The following ASIC2 variants were observed in gnomAD, a reference collection of about 807,000 sequenced individuals.
ASIC2 encodes acid-sensing ion channel 2.
A neutral mutation model predicts 57.3 loss-of-function variants in ASIC2; 25 were observed. The observed-to-expected ratio is 0.44, with a 90% CI of 0.32 to 0.61. The LOEUF is 0.61. ASIC2 is among the 20% of genes least tolerant of loss of function. ASIC2 has a pLI of 0.06. For missense variants in ASIC2, 641 were observed against 738.1 expected, an observed-to-expected ratio of 0.87 and a Z score of 1.52; for synonymous variants, 319 against 307.5, an observed-to-expected ratio of 1.04 and a Z score of -0.39.
chr17:33,090,855 A>C (rs1037080560), intron 2 of ASIC2, among the ~76,000 whole-genome samples: 2 of 152,240 alleles, frequency 1.3e-5, no homozygotes, highest in Admixed American at 1.3e-4. Context: ...AGGGAAGGGT[A>C]GGCAGGGCTT....
chr17:33,943,751 T>G (rs1380696004), intron 1 of ASIC2, among the ~76,000 whole-genome samples: 1 of 150,864 alleles, frequency 6.6e-6, no homozygotes, highest in Non-Finnish European at 1.5e-5. Context: ...TCATTGTGCA[T>G]CTGCTGTACA....
At chr17:34,010,080 C>T (rs1421548266) in intron 1 of ASIC2, among the ~76,000 whole-genome samples, 1 of 152,130 alleles carries the variant, frequency 6.6e-6, no homozygotes, top group Non-Finnish European at 1.5e-5. Flanking sequence ...AGTTTGAGCA[C>T]CAGAGTATCA....
chr17:33,122,159 C>A (rs113036662), intron 1 of ASIC2, among the ~76,000 whole-genome samples: 3,964 of 152,268 alleles, frequency 0.026, 94 homozygotes, highest in East Asian at 0.068. Context: ...TGCTCCCATT[C>A]CCATCTCTGT....
intron 1 of ASIC2, among the ~76,000 whole-genome samples, chr17:33,835,226 G>A (rs2141903750): frequency 6.6e-6 from 1 of 152,332 alleles, no homozygotes; most frequent in East Asian, 1.9e-4. Flanking sequence ...CTGTTGGTTT[G>A]CCTGAATTTG....
intron 1 of ASIC2, among the ~76,000 whole-genome samples, chr17:33,722,163 G>A (rs1223366908): frequency 1.3e-5 from 2 of 152,126 alleles, no homozygotes; most frequent in Non-Finnish European, 2.9e-5. Context: ...ATTTTCCCAT[G>A]CTGTTCTCAT....
intron 1 of ASIC2, among the ~76,000 whole-genome samples, chr17:33,755,506 G>A (rs1407451655): frequency 2.6e-5 from 4 of 152,098 alleles, no homozygotes; most frequent in African/African-American, 7.2e-5. Context: ...TAAGCTCATA[G>A]GCTTATGCTA....
chr17:33,750,801 C>T (rs551082509), intron 1 of ASIC2, among the ~76,000 whole-genome samples: 1 of 152,232 alleles, frequency 6.6e-6, no homozygotes, highest in South Asian at 2.1e-4. Flanking sequence ...TGTTTTCCTT[C>T]CTACTTACAC....
At chr17:34,020,587 T>C (rs1027187451) in intron 1 of ASIC2, among the ~76,000 whole-genome samples, 14 of 152,234 alleles carry the variant, frequency 9.2e-5, no homozygotes, top group African/African-American at 2.9e-4. Context: ...CTCAATGTAC[T>C]GTTGTCAGAG....
intron 1 of ASIC2, among the ~76,000 whole-genome samples, chr17:33,550,036 C>A (rs1915698759): frequency 6.6e-6 from 1 of 152,306 alleles, no homozygotes; most frequent in East Asian, 1.9e-4. Flanking sequence ...CATCTCAGAG[C>A]AACTCCTTAT....
At position 33,878,797 on chromosome 17, in the gene ASIC2, C is replaced by T. The variant is rs1187186180; in HGVS notation, c.555+277181G>A. ...CCTCGAGAAGAGCAACTCCAAGACA[C>T]ATAATTGTCAGATTCACCAAAGTTG... is the stretch of plus-strand genomic sequence containing the variant. On this transcript the variant is annotated intron_variant, in intron 1 of 9. Coordinates refer to the ASIC2 transcript ENST00000359872. Among the ~76,000 whole-genome samples the T allele has an allele frequency of 2.0e-5, 3 of 152,252 alleles. No individual in the cohort carries two copies. The East Asian group carries it at 5.8e-4, about 29-fold the overall frequency.
chr17:33,805,477 T>C (rs949726051), intron 1 of ASIC2, among the ~76,000 whole-genome samples: 1 of 152,224 alleles, frequency 6.6e-6, no homozygotes, highest in African/African-American at 2.4e-5. Context: ...GCCTCACTTC[T>C]TCCTCATAGG....
intron 1 of ASIC2, among the ~76,000 whole-genome samples, chr17:33,335,186 T>C (rs1010817425): frequency 1.3e-5 from 2 of 152,176 alleles, no homozygotes; most frequent in Non-Finnish European, 2.9e-5. Context: ...GGTAAAATGA[T>C]AATTGTCAGG....
chr17:33,279,998 G>C (rs1904873332), intron 1 of ASIC2, among the ~76,000 whole-genome samples: 2 of 152,152 alleles, frequency 1.3e-5, no homozygotes, highest in Non-Finnish European at 2.9e-5. Flanking sequence ...TAAGTTGCCA[G>C]ACTTGCCTTT....
intron 1 of ASIC2, among the ~76,000 whole-genome samples, chr17:33,676,478 A>G (rs1268411430): frequency 6.6e-6 from 1 of 152,168 alleles, no homozygotes; most frequent in Non-Finnish European, 1.5e-5. Context: ...GAAGAAAGTG[A>G]AAGCCTTCTT....
chr17:33,432,253 T>C (rs1286410717), intron 1 of ASIC2, among the ~76,000 whole-genome samples: 3 of 152,206 alleles, frequency 2.0e-5, no homozygotes, highest in Non-Finnish European at 4.4e-5. Context: ...TGGCGGCTCA[T>C]GCCCATAATC....
chr17:33,314,065 A>G (rs1337370485), intron 1 of ASIC2, among the ~76,000 whole-genome samples: 6 of 152,092 alleles, frequency 3.9e-5, no homozygotes, highest in Non-Finnish European at 5.9e-5. Flanking sequence ...GGGTGGCACT[A>G]TCACAGAGAG....
At chr17:33,916,828 C>T (rs976815117) in intron 1 of ASIC2, among the ~76,000 whole-genome samples, 1 of 152,182 alleles carries the variant, frequency 6.6e-6, no homozygotes. Flanking sequence ...AACCCAGTTC[C>T]CATACTTGTT....
chr17:33,522,090 G>A (rs1010022126), intron 1 of ASIC2, among the ~76,000 whole-genome samples: 1 of 152,102 alleles, frequency 6.6e-6, no homozygotes, highest in Non-Finnish European at 1.5e-5. Flanking sequence ...GAAGGGTCAG[G>A]GATGGCAAAA....
intron 1 of ASIC2, among the ~76,000 whole-genome samples, chr17:33,133,719 G>C (rs2092356796): frequency 6.6e-6 from 1 of 152,112 alleles, no homozygotes; most frequent in African/African-American, 2.4e-5. Context: ...GTGATCTCCC[G>C]GGTGAGGCAT....
Sources: allele counts gnomAD v4.1 joint callset (sites outside exome capture counted in the v4.1 genomes callset), GRCh38; gene constraint gnomAD v4.1.1; transcripts MANE v1.5; gene names NCBI Gene and HGNC (gene_info 2026-07-23, HGNC 2026-07-21).